PDE8A: variants seen among roughly 807,000 people sequenced by gnomAD.
PDE8A encodes phosphodiesterase 8A.
PDE8A carries 59 observed loss-of-function variants against 105.0 expected under a neutral mutation model. That is an observed-to-expected ratio of 0.56 (90% CI 0.46 to 0.70). PDE8A has a LOEUF of 0.70. PDE8A is among the 30% of genes least tolerant of loss of function. The pLI, the probability that PDE8A is intolerant of heterozygous loss-of-function variation, is 0.00. For synonymous variants in PDE8A, 355 were observed against 371.9 expected (o/e 0.95, Z 0.52); for missense variants, 1,014 against 1,045.9 (o/e 0.97, Z 0.42).
At chr15:85,114,133 A>G in intron 14 of PDE8A, 96 bp downstream of exon 14, 1 of 1,021,748 alleles carries the variant, frequency 9.8e-7, no homozygotes, top group South Asian at 1.5e-5. Context: ...AGAGGCAGGC[A>G]GGGCTCTGTA....
At chr15:85,066,663 G>T (rs1184122927) in intron 2 of PDE8A, among the ~76,000 whole-genome samples, 1 of 150,368 alleles carries the variant, frequency 6.7e-6, no homozygotes, top group Non-Finnish European at 1.5e-5. Context: ...TTCTGACCAG[G>T]CGCGGTGGCT....
intron 10 of PDE8A, 35 bp from the exon 11 acceptor site, chr15:85,100,121 A>C: frequency 1.2e-6 from 2 of 1,612,970 alleles, no homozygotes; most frequent in Non-Finnish European, 1.7e-6. Flanking sequence ...GATTTTCAGC[A>C]ATCAGAACTA....
intron 1 of PDE8A, among the ~76,000 whole-genome samples, chr15:85,020,215 C>T (rs574873830): frequency 6.6e-6 from 1 of 152,238 alleles, no homozygotes; most frequent in Admixed American, 6.5e-5. Flanking sequence ...TGTGATCTGT[C>T]TGCCAAAGAA....
At chr15:84,983,596 C>A (rs1322545075) in intron 1 of PDE8A, among the ~76,000 whole-genome samples, 1 of 152,204 alleles carries the variant, frequency 6.6e-6, no homozygotes, top group South Asian at 2.1e-4. Flanking sequence ...CCTATAGATT[C>A]TTTAAAGAAA....
At chr15:85,075,253 G>A (rs928751288) in intron 3 of PDE8A, among the ~76,000 whole-genome samples, 3 of 152,228 alleles carry the variant, frequency 2.0e-5, no homozygotes, top group Admixed American at 6.5e-5. Context: ...TAGTCGAACA[G>A]TCTCTTGTAC....
Position 85,138,236 on chromosome 15 carries a change from A to C in PDE8A, c.*333A>C, listed in dbSNP as rs1038100079. 9.4e-6 allele frequency: 2 copies of C among 213,824 alleles called. No homozygotes were observed. The highest frequency in any genetic ancestry group is 1.9e-5 in the Non-Finnish European group (2 of 107,498). The allele number at this position is 213,824 out of a possible 1,614,324, so 13.2% of individuals were successfully genotyped here. A position where few individuals can be genotyped will look rare whatever the true frequency, so the allele number is the denominator to read the frequency against. ...ATGGACTTCCTGCCAGTGACAGAGC[A>C]TGTCTATTGCAAACAATTCTCTCAG... On this transcript the variant is annotated 3_prime_UTR_variant, in exon 22 of 22. Coordinates refer to ENST00000394553, the MANE Select transcript of PDE8A (RefSeq NM_002605.3).
At chr15:85,091,247 T>C (rs575053962) in intron 8 of PDE8A, 66 bp downstream of exon 8, 2 of 1,368,518 alleles carry the variant, frequency 1.5e-6, no homozygotes, top group East Asian at 2.3e-5. Context: ...TTAGTGTTCA[T>C]TGAGTACTAC....
chr15:85,039,118 T>C lies in PDE8A; in HGVS notation c.187-25252T>C, dbSNP rs563549788. Among the ~76,000 whole-genome samples, 65 of 91,906 alleles carry C rather than the reference T, an allele frequency of 7.1e-4. No individual in the cohort carries two copies. In the South Asian group the frequency reaches 0.018, roughly 25 times the overall value. 60.3% of individuals were successfully genotyped at this position (91,906 alleles called of 152,430 possible). A position where few individuals can be genotyped will look rare whatever the true frequency, so the allele number is the denominator to read the frequency against. On this transcript the variant is annotated intron_variant, in intron 1 of 21. Transcript: ENST00000394553. Reference sequence around the variant, plus strand: ...CCTTAGTAACAAGAGCGAAACTCCATCTCAAGAAAAAAAAAAAAAAGAAAA... The same window carrying C: ...CCTTAGTAACAAGAGCGAAACTCCACCTCAAGAAAAAAAAAAAAAAGAAAA...
chr15:85,057,058 C>G (rs187135116), intron 1 of PDE8A, among the ~76,000 whole-genome samples: 123 of 152,258 alleles, frequency 8.1e-4, no homozygotes, highest in African/African-American at 2.9e-3. Context: ...CAACTGCAGG[C>G]CTGTTGGAGT....
chr15:85,057,230 G>A (rs1482990642), intron 1 of PDE8A, among the ~76,000 whole-genome samples: 4 of 152,154 alleles, frequency 2.6e-5, no homozygotes, highest in African/African-American at 7.2e-5. Context: ...ACTGGAAGAT[G>A]TCTTCCAGTT....
intron 15 of PDE8A, 184 bp from the exon 16 acceptor site, chr15:85,115,800 A>G: frequency 1.7e-6 from 1 of 578,464 alleles, no homozygotes; most frequent in South Asian, 2.2e-5. Context: ...AGGTGCCTGT[A>G]ATCCCACTAC....
At position 84,982,232 on chromosome 15, in the gene PDE8A, C is replaced by G; in HGVS notation, c.70C>G (p.Pro24Ala). 1.4e-6 allele frequency: 2 copies of G among 1,474,112 alleles called. No homozygotes were observed. The highest frequency in any genetic ancestry group is 8.9e-7 in the Non-Finnish European group (1 of 1,121,588). 91.3% of individuals were successfully genotyped at this position (1,474,112 alleles called of 1,614,324 possible). A position where few individuals can be genotyped will look rare whatever the true frequency, so the allele number is the denominator to read the frequency against. The part of the protein sequence containing the change: ...VAEDAPSPAA[P>A]PLSSGGPRLP... ...CGAGGACGCGCCTAGCCCCGCGGCA[C>G]CGCCGCTGTCGTCCGGCGGGCCGCG... Residue 24 changes from proline (P) to alanine (A), a missense_variant, in exon 1 of 22, where the codon CCG becomes GCG. Transcript: ENST00000394553.
intron 1 of PDE8A, among the ~76,000 whole-genome samples, chr15:84,993,214 C>A (rs529291209): frequency 2.0e-5 from 3 of 150,348 alleles, no homozygotes; most frequent in Non-Finnish European, 4.4e-5. Flanking sequence ...GAGGCCAAGG[C>A]GGGCGGATCA....
chr15:85,127,042 A>G (rs921272239), intron 20 of PDE8A, among the ~76,000 whole-genome samples: 3 of 152,132 alleles, frequency 2.0e-5, no homozygotes, highest in Non-Finnish European at 2.9e-5. Flanking sequence ...CAAAAAAATT[A>G]AAAGTTAGCC....
At chr15:85,066,408 A>G (rs1403021524) in intron 2 of PDE8A, among the ~76,000 whole-genome samples, 3 of 151,990 alleles carry the variant, frequency 2.0e-5, no homozygotes, top group Admixed American at 2.0e-4. Context: ...TGAAAATACA[A>G]AAATTAGCCG....
intron 1 of PDE8A, among the ~76,000 whole-genome samples, chr15:85,025,216 C>A (rs2080494840): frequency 6.6e-6 from 1 of 152,112 alleles, no homozygotes; most frequent in South Asian, 2.1e-4. Flanking sequence ...ACTTGAGGCT[C>A]CCCCAACCCT....
Position 85,007,426 on chromosome 15 carries a change from G to A in PDE8A, c.186+25078G>A, listed in dbSNP as rs375236900. ...GACACAGGGCGGCTTCTAGTATGCC[G>A]GTAATGTTGCTTCTTGATCTGGGTG... On this transcript the variant is annotated intron_variant, in intron 1 of 21. Transcript: ENST00000394553. Among the ~76,000 whole-genome samples, 9 of 149,974 alleles carry A rather than the reference G, an allele frequency of 6.0e-5. No homozygotes were observed. In the East Asian group the frequency reaches 9.8e-4, roughly 16 times the overall value.
intron 21 of PDE8A, among the ~76,000 whole-genome samples, chr15:85,137,520 CT>C (rs1337503855): frequency 2.0e-5 from 3 of 152,168 alleles, no homozygotes; most frequent in Non-Finnish European, 2.9e-5. Context: ...AAAGGTGCTG[CT>C]GGTTTAATGG....
At chr15:85,060,273 A>T (rs1429255529) in intron 1 of PDE8A, among the ~76,000 whole-genome samples, 1 of 152,202 alleles carries the variant, frequency 6.6e-6, no homozygotes, top group African/African-American at 2.4e-5. Context: ...GAATTATGCC[A>T]GCTTAACTTC....
Sources: allele counts gnomAD v4.1 joint callset (sites outside exome capture counted in the v4.1 genomes callset), GRCh38; gene constraint gnomAD v4.1.1; transcripts MANE v1.5; gene names NCBI Gene and HGNC (gene_info 2026-07-23, HGNC 2026-07-21).